The following EPSTI1 variants were observed in gnomAD, a reference collection of about 807,000 sequenced individuals.
The protein encoded by EPSTI1 is epithelial-stromal interaction protein 1.
Under a neutral mutation model 49.9 loss-of-function variants are expected in EPSTI1, and 66 were observed. The observed-to-expected ratio is 1.32, with a 90% confidence interval of 1.08 to 1.62. The LOEUF (loss-of-function observed/expected upper bound fraction) is 1.62, where lower values mean the gene tolerates loss of function less well. EPSTI1 is among the 40% of genes most tolerant of loss of function. The pLI is 0.00. For missense variants in EPSTI1, 394 were observed against 365.5 expected (o/e 1.08, Z -0.64); for synonymous variants, 137 against 130.7 (o/e 1.05, Z -0.33).
intron 6 of EPSTI1, among the ~76,000 whole-genome samples, chr13:42,946,421 C>G (rs1353106898): frequency 6.6e-6 from 1 of 152,124 alleles, no homozygotes; most frequent in Non-Finnish European, 1.5e-5. Flanking sequence ...AGCCCCTTGT[C>G]CCCTAGAAAC....
intron 8 of EPSTI1, among the ~76,000 whole-genome samples, chr13:42,905,619 A>G (rs1377898062): frequency 1.3e-5 from 2 of 152,218 alleles, no homozygotes; most frequent in Non-Finnish European, 2.9e-5. Flanking sequence ...GGACAATGAC[A>G]TGCAACATCT....
intron 3 of EPSTI1, 60 bp from the exon 4 acceptor site, chr13:42,964,199 C>T (rs896969670): frequency 1.3e-5 from 17 of 1,319,186 alleles, no homozygotes; most frequent in Non-Finnish European, 1.8e-5. Flanking sequence ...TGTCAGCCAT[C>T]GAGGACTAAT....
chr13:42,900,250 G>A (rs961266986), intron 9 of EPSTI1, 60 bp downstream of exon 9: 1 of 1,452,742 alleles, frequency 6.9e-7, no homozygotes, highest in Non-Finnish European at 9.7e-7. Flanking sequence ...CTAAAACACT[G>A]TACAAACTTT....
chr13:42,929,252 G>A (rs1047197161), intron 6 of EPSTI1, among the ~76,000 whole-genome samples: 4 of 152,184 alleles, frequency 2.6e-5, no homozygotes, highest in Non-Finnish European at 5.9e-5. Flanking sequence ...CTTCACACAA[G>A]GTCATCATGC....
chr13:42,975,459 T>C (rs2039862578), intron 1 of EPSTI1, among the ~76,000 whole-genome samples: 1 of 152,276 alleles, frequency 6.6e-6, no homozygotes, highest in South Asian at 2.1e-4. Flanking sequence ...GCACAACTCA[T>C]TGCCTCTGTT....
chr13:42,955,716 C>T (rs1213232466), intron 5 of EPSTI1, among the ~76,000 whole-genome samples: 2 of 151,908 alleles, frequency 1.3e-5, no homozygotes, highest in Admixed American at 6.6e-5. Context: ...GTAGGAGAAT[C>T]GCTTGAACTC....
chr13:42,974,876 T>C lies in EPSTI1; in HGVS notation c.189-4206A>G, dbSNP rs538711371. 1.8e-4 allele frequency among the ~76,000 whole-genome samples: 27 copies of C among 152,230 alleles called. 2 individuals carry two copies. In the South Asian group the frequency reaches 5.6e-3, roughly 32 times the overall value. On this transcript the variant is annotated intron_variant, in intron 1 of 10. Coordinates refer to ENST00000313624, the MANE Select transcript of EPSTI1 (RefSeq NM_033255.5). ...CACCAGATGTAATTTAAATTTGTAA[T>C]TAGGAGCAACACTGGTTTGACAGAA...
chr13:42,918,404 G>A (rs145875474), intron 7 of EPSTI1, among the ~76,000 whole-genome samples: 4 of 152,312 alleles, frequency 2.6e-5, no homozygotes, highest in African/African-American at 9.6e-5. Context: ...CTAATGCTTA[G>A]GAAATTACAT....
intron 1 of EPSTI1, among the ~76,000 whole-genome samples, chr13:42,975,677 T>G (rs561240412): frequency 2.0e-5 from 3 of 152,200 alleles, no homozygotes; most frequent in Non-Finnish European, 4.4e-5. Flanking sequence ...GATACATGGT[T>G]TGGTATGTAT....
intron 7 of EPSTI1, among the ~76,000 whole-genome samples, chr13:42,918,146 GT>G (rs140947362): frequency 1.3e-3 from 204 of 152,248 alleles, no homozygotes; most frequent in African/African-American, 4.7e-3. Context: ...TCTGGATGAA[GT>G]TTTATTTCTA....
intron 10 of EPSTI1, among the ~76,000 whole-genome samples, chr13:42,894,366 CCTATGGT>C (rs879507428): frequency 1.6e-4 from 24 of 152,260 alleles, no homozygotes; most frequent in Non-Finnish European, 2.6e-4. Flanking sequence ...AACTGTAAGA[CCTATGGT>C]CTTTAGTTTT....
intron 5 of EPSTI1, among the ~76,000 whole-genome samples, chr13:42,962,242 G>A (rs1045994843): frequency 8.5e-5 from 13 of 152,082 alleles, no homozygotes; most frequent in African/African-American, 3.1e-4. Flanking sequence ...ATTACCTGGG[G>A]AGCTTGTTAA....
intron 3 of EPSTI1, among the ~76,000 whole-genome samples, chr13:42,967,355 G>A (rs1336632606): frequency 1.3e-5 from 2 of 151,888 alleles, no homozygotes; most frequent in African/African-American, 4.8e-5. Flanking sequence ...AAGAGTCTGA[G>A]GGTCTTATTG....
At chr13:42,951,218 C>G (rs1195386037) in intron 6 of EPSTI1, among the ~76,000 whole-genome samples, 1 of 152,146 alleles carries the variant, frequency 6.6e-6, no homozygotes. Flanking sequence ...TACACTGATT[C>G]TAAGGAGGTA....
At chr13:42,964,265 A>G (rs2153431482) in intron 3 of EPSTI1, 126 bp from the exon 4 acceptor site, 1 of 644,770 alleles carries the variant, frequency 1.6e-6, no homozygotes, top group South Asian at 2.6e-5. Flanking sequence ...GCTCTTGCAA[A>G]TAAGAACATA....
intron 8 of EPSTI1, among the ~76,000 whole-genome samples, chr13:42,903,994 C>T (rs2037431347): frequency 6.6e-6 from 1 of 152,164 alleles, no homozygotes; most frequent in Non-Finnish European, 1.5e-5. Flanking sequence ...TTTATTCATT[C>T]ATTAAATATC....
intron 5 of EPSTI1, among the ~76,000 whole-genome samples, chr13:42,957,821 C>T (rs929676266): frequency 6.6e-5 from 10 of 152,202 alleles, no homozygotes; most frequent in East Asian, 1.9e-4. Context: ...GCAATTGGCC[C>T]GCCTTAGCTC....
chr13:42,912,704 C>CA (rs1000605996), intron 8 of EPSTI1, among the ~76,000 whole-genome samples: 1 of 151,794 alleles, frequency 6.6e-6, no homozygotes, highest in Non-Finnish European at 1.5e-5. Context: ...TGCTACTTAC[C>CA]AAATCAGCAA....
At chr13:42,958,144 C>T (rs981099311) in intron 5 of EPSTI1, among the ~76,000 whole-genome samples, 4 of 152,104 alleles carry the variant, frequency 2.6e-5, no homozygotes, top group African/African-American at 9.7e-5. Flanking sequence ...AAACAAAAGC[C>T]AAATTCAGCC....
Sources: gnomAD v4.1 joint callset for allele counts (sites outside exome capture counted in the v4.1 genomes callset) on GRCh38, gnomAD v4.1.1 for gene constraint, MANE v1.5 for transcripts, NCBI Gene and HGNC (gene_info 2026-07-23, HGNC 2026-07-21) for gene names.